The following STPG2 variants were observed in gnomAD, a reference collection of about 807,000 sequenced individuals.
STPG2 encodes sperm-tail PG-rich repeat-containing protein 2.
A neutral mutation model predicts 54.2 loss-of-function variants in STPG2; 56 were observed. That is an observed-to-expected ratio of 1.03 (90% CI 0.83 to 1.29). STPG2 has a LOEUF of 1.29. STPG2 is among the 50% of genes most tolerant of loss of function. The probability of loss-of-function intolerance (pLI) is 0.00; values close to 1 mark genes in which losing one functional copy is unlikely to be tolerated. For synonymous variants in STPG2, 200 were observed against 181.8 expected (o/e 1.10, Z -0.81); for missense variants, 596 against 544.9 (o/e 1.09, Z -0.93).
At chr4:97,516,908 T>C (rs1218851452) in intron 4 of STPG2, among the ~76,000 whole-genome samples, 1 of 151,666 alleles carries the variant, frequency 6.6e-6, no homozygotes, top group African/African-American at 2.4e-5. Context: ...ATTCATTTAA[T>C]TATTATTATT....
At chr4:97,739,831 A>G (rs1194358308) in intron 9 of STPG2, among the ~76,000 whole-genome samples, 2 of 151,952 alleles carry the variant, frequency 1.3e-5, no homozygotes, top group Admixed American at 1.3e-4. Flanking sequence ...TCCAATCAAT[A>G]AAAAAGAGGG....
chr4:97,541,322 A>G (rs1025873193), intron 4 of STPG2, among the ~76,000 whole-genome samples: 1 of 152,154 alleles, frequency 6.6e-6, no homozygotes, highest in Non-Finnish European at 1.5e-5. Context: ...CTTATACACC[A>G]ATAATAGACA....
intron 10 of STPG2, among the ~76,000 whole-genome samples, chr4:97,671,664 C>T (rs1318089328): frequency 6.6e-6 from 1 of 152,120 alleles, no homozygotes; most frequent in African/African-American, 2.4e-5. Flanking sequence ...TGTCAGATGG[C>T]CTCTGGAGGA....
intron 9 of STPG2, among the ~76,000 whole-genome samples, chr4:97,732,535 C>A (rs1724835215): frequency 1.3e-5 from 2 of 151,688 alleles, no homozygotes; most frequent in Admixed American, 1.3e-4. Flanking sequence ...GGATAAGACC[C>A]CAAAAACAAA....
At chr4:97,726,026 A>G (rs967721253) in intron 9 of STPG2, among the ~76,000 whole-genome samples, 1 of 151,918 alleles carries the variant, frequency 6.6e-6, no homozygotes, top group Admixed American at 6.6e-5. Flanking sequence ...CAAAAGGAAG[A>G]TATCTTGAAA....
intron 8 of STPG2, among the ~76,000 whole-genome samples, chr4:97,933,964 G>C (rs114080897): frequency 3.7e-4 from 56 of 152,206 alleles, no homozygotes; most frequent in Admixed American, 2.0e-3. Flanking sequence ...CAGTATGCCT[G>C]TTTTCATGAC....
At chr4:97,938,418 G>T (rs1313989310) in intron 8 of STPG2, among the ~76,000 whole-genome samples, 2 of 70,500 alleles carry the variant, frequency 2.8e-5, no homozygotes, top group African/African-American at 1.0e-4. Context: ...CCCTCGGGGA[G>T]CTCAGTTGTC....
Position 97,763,995 on chromosome 4 carries a change from C to T in STPG2, c.1205-51181G>A, listed in dbSNP as rs1302584409. On this transcript the variant is annotated intron_variant, in intron 9 of 10. Coordinates refer to ENST00000295268, the MANE Select transcript of STPG2 (RefSeq NM_174952.3). ...ATCTTGCACCACTTTCCTAACCCCT[C>T]CCTATTTTAGCCACATGTGCCTTTT... 5.9e-5 allele frequency among the ~76,000 whole-genome samples: 9 copies of T among 151,992 alleles called. No individual in the cohort carries two copies. The South Asian group carries it at 1.7e-3, about 28-fold the overall frequency.
chr4:97,532,621 T>C (rs1318773132), intron 4 of STPG2, among the ~76,000 whole-genome samples: 1 of 152,198 alleles, frequency 6.6e-6, no homozygotes, highest in Non-Finnish European at 1.5e-5. Flanking sequence ...AAATTAACTG[T>C]ATTCATGGCG....
At chr4:97,676,041 A>G (rs1054106049) in intron 10 of STPG2, among the ~76,000 whole-genome samples, 1 of 145,654 alleles carries the variant, frequency 6.9e-6, no homozygotes, top group Non-Finnish European at 1.5e-5. Context: ...TAGTATATAT[A>G]ATTACTAAAA....
intron 5 of STPG2, among the ~76,000 whole-genome samples, chr4:98,068,034 CA>C (rs1737887791): frequency 6.6e-6 from 1 of 152,116 alleles, no homozygotes; most frequent in South Asian, 2.1e-4. Context: ...CTTTATTTCA[CA>C]AAAAGTTGTT....
intron 7 of STPG2, among the ~76,000 whole-genome samples, chr4:97,961,582 A>C (rs1213303680): frequency 6.6e-6 from 1 of 152,198 alleles, no homozygotes; most frequent in Non-Finnish European, 1.5e-5. Flanking sequence ...AGATATACAA[A>C]TAGCCAACAA....
At chr4:97,650,997 A>C (rs192858935) in intron 10 of STPG2, among the ~76,000 whole-genome samples, 138 of 152,048 alleles carry the variant, frequency 9.1e-4, no homozygotes, top group Non-Finnish European at 1.8e-3. Flanking sequence ...CTTAGATAGG[A>C]ATTTGGGCAA....
intron 10 of STPG2, among the ~76,000 whole-genome samples, chr4:97,678,731 C>A (rs1270592237): frequency 2.6e-5 from 4 of 151,254 alleles, no homozygotes; most frequent in Non-Finnish European, 4.4e-5. Context: ...CCCATTAACT[C>A]GTCATTTAGC....
chr4:98,006,941 C>T (rs1264204584), intron 5 of STPG2, among the ~76,000 whole-genome samples: 1 of 152,138 alleles, frequency 6.6e-6, no homozygotes, highest in East Asian at 1.9e-4. Context: ...TTTCTCCAGT[C>T]CTCACCTAGG....
chr4:97,457,247 C>CT (rs1014714597), intron 4 of STPG2, among the ~76,000 whole-genome samples: 2 of 152,180 alleles, frequency 1.3e-5, no homozygotes, highest in Non-Finnish European at 1.5e-5. Context: ...TGATCATACT[C>CT]TTTGTTATTT....
At chr4:97,988,403 T>A (rs975466263) in intron 5 of STPG2, among the ~76,000 whole-genome samples, 53 of 152,154 alleles carry the variant, frequency 3.5e-4, no homozygotes, top group Non-Finnish European at 6.6e-4. Context: ...GTCAAGTCAT[T>A]TTCTTTTTCT....
chr4:98,117,652 T>C (rs1739560117), intron 3 of STPG2, among the ~76,000 whole-genome samples: 1 of 152,078 alleles, frequency 6.6e-6, no homozygotes, highest in Admixed American at 6.6e-5. Context: ...ATAATATCAA[T>C]TGACATGTCT....
chr4:98,124,310 A>G (rs11729596), intron 3 of STPG2, among the ~76,000 whole-genome samples: 60,060 of 151,962 alleles, frequency 0.4, 12,114 homozygotes, highest in Middle Eastern at 0.46. Context: ...TGTAGTGGCC[A>G]GTAACGGTTT....
Sources: allele counts gnomAD v4.1 joint callset (sites outside exome capture counted in the v4.1 genomes callset), GRCh38; gene constraint gnomAD v4.1.1; transcripts MANE v1.5; gene names NCBI Gene and HGNC (gene_info 2026-07-23, HGNC 2026-07-21).